Variants in ASPH observed in about 807,000 individuals in gnomAD.
The protein encoded by ASPH is aspartyl/asparaginyl beta-hydroxylase.
A neutral mutation model predicts 118.4 loss-of-function variants in ASPH; 100 were observed. The observed-to-expected ratio is 0.84, with a 90% CI of 0.72 to 1.00. The LOEUF (loss-of-function observed/expected upper bound fraction) is 1.00. Among genes scored for constraint, ASPH ranks in the 50% least tolerant of loss-of-function variants. ASPH has a pLI of 0.00. For missense variants in ASPH, 920 were observed against 919.5 expected (o/e 1.00, Z -0.01); for synonymous variants, 315 against 325.6 (o/e 0.97, Z 0.35).
At chr8:61,599,703 C>A (rs1290334584) in intron 14 of ASPH, among the ~76,000 whole-genome samples, 1 of 151,850 alleles carries the variant, frequency 6.6e-6, no homozygotes, top group East Asian at 1.9e-4. Flanking sequence ...CACATACAAC[C>A]ACCAAGATTG....
chr8:61,634,213 T>C (rs1383708677), intron 12 of ASPH, among the ~76,000 whole-genome samples: 6 of 152,218 alleles, frequency 3.9e-5, no homozygotes. Context: ...CCTTGGTTGC[T>C]TCAACCCAGT....
Position 61,553,208 on chromosome 8 carries a change from G to A in ASPH, c.1537-88C>T, listed in dbSNP as rs140521007. ...TACATAGCTTTTCTTATGGCACATC[G>A]TATGAAAACCTAAAAACCAGAAAAA... On this transcript the variant is annotated intron_variant, in intron 19 of 24. Transcript: ENST00000379454. The A allele has an allele frequency of 2.1e-4, 221 of 1,046,904 alleles. No individual in the cohort carries two copies. The East Asian group carries it at 4.5e-3, about 21-fold the overall frequency. 64.9% of individuals were successfully genotyped at this position (1,046,904 alleles called of 1,614,324 possible).
At chr8:61,634,220 C>T (rs1856815033) in intron 12 of ASPH, among the ~76,000 whole-genome samples, 1 of 152,086 alleles carries the variant, frequency 6.6e-6, no homozygotes, top group Admixed American at 6.6e-5. Context: ...TGCTTCAACC[C>T]AGTTACAATT....
chr8:61,704,119 C>T (rs1386002262), intron 1 of ASPH, among the ~76,000 whole-genome samples: 6 of 132,950 alleles, frequency 4.5e-5, no homozygotes, highest in African/African-American at 1.1e-4. Context: ...GGCGTGAACC[C>T]GGGAGGCGGA....
intron 17 of ASPH, among the ~76,000 whole-genome samples, chr8:61,563,626 C>T (rs1830696081): frequency 6.6e-6 from 1 of 152,196 alleles, no homozygotes; most frequent in African/African-American, 2.4e-5. Flanking sequence ...CTGTATATTC[C>T]ACTGCCAAAC....
Position 61,598,257 on chromosome 8 carries a change from T to C in ASPH, c.977-14228A>G, listed in dbSNP as rs145817502. The stretch of plus-strand genomic sequence containing the variant: ...AAACTCATTTCACCTGAAACACATA[T>C]AAACTAAAAGCAAAAAGACAGAAAA... On this transcript the variant is annotated intron_variant, in intron 14 of 24. Coordinates refer to ENST00000379454, the MANE Select transcript of ASPH (RefSeq NM_004318.4). Among the ~76,000 whole-genome samples the C allele has an allele frequency of 1.6e-4, 24 of 151,950 alleles. No individual in the cohort carries two copies. In the East Asian group the frequency reaches 4.4e-3, roughly 28 times the overall value.
At chr8:61,675,873 T>C in intron 3 of ASPH, 2 of 1,380,472 alleles carry the variant, frequency 1.4e-6, no homozygotes, top group Non-Finnish European at 1.9e-6. Flanking sequence ...AGGAGTACCA[T>C]TTTCTTCAAT....
chr8:61,611,802 T>A (rs1847453324), intron 14 of ASPH, among the ~76,000 whole-genome samples: 1 of 152,254 alleles, frequency 6.6e-6, no homozygotes, highest in South Asian at 2.1e-4. Context: ...AACACAGCAA[T>A]TAAAAGCCAA....
intron 6 of ASPH, among the ~76,000 whole-genome samples, chr8:61,646,278 C>CT (rs1419162184): frequency 6.6e-6 from 1 of 152,182 alleles, no homozygotes; most frequent in African/African-American, 2.4e-5. Context: ...TGAACAGAGT[C>CT]TGTACGATCC....
At chr8:61,507,273 T>G (rs1486478386) in intron 24 of ASPH, among the ~76,000 whole-genome samples, 1 of 152,172 alleles carries the variant, frequency 6.6e-6, no homozygotes, top group Non-Finnish European at 1.5e-5. Context: ...TACAGATCAG[T>G]GTAAACCATT....
intron 15 of ASPH, chr8:61,579,096 G>T (rs1836461156): frequency 1.2e-6 from 2 of 1,607,562 alleles, no homozygotes; most frequent in African/African-American, 1.4e-5. Flanking sequence ...GCAGAGTCTG[G>T]CTGGGAAGCA....
At chr8:61,663,309 T>C (rs1817868768) in intron 3 of ASPH, 3 of 985,254 alleles carry the variant, frequency 3.0e-6, no homozygotes, top group Non-Finnish European at 3.6e-6. Flanking sequence ...AGAATCACCA[T>C]CCTCAACTAC....
At chr8:61,681,931 A>T (rs1475147645) in intron 2 of ASPH, among the ~76,000 whole-genome samples, 3 of 152,042 alleles carry the variant, frequency 2.0e-5, no homozygotes, top group Admixed American at 6.6e-5. Flanking sequence ...GTGGAGAAAC[A>T]TAATAATGTT....
In ASPH at chr8:61,620,987, G is replaced by A. The variant is rs551819014; in HGVS notation, c.935-1968C>T. 2.0e-4 allele frequency among the ~76,000 whole-genome samples: 31 copies of A among 152,282 alleles called. No individual in the cohort carries two copies. The East Asian group carries it at 5.0e-3, about 25-fold the overall frequency. ...ATCCCGATGTGGGAGGGCCCTGGCC[G>A]GGTCTCCTCATGTCCTTTAGACTCA... is the stretch of plus-strand genomic sequence containing the variant. On this transcript the variant is annotated intron_variant, in intron 13 of 24. Transcript: ENST00000379454.
At position 61,503,330 on chromosome 8, in the gene ASPH, A is replaced by AGAGT; in HGVS notation, c.*25_*28dup. ...GGAACCAGAAAGGCAGCCTCTCTCC[A>AGAGT]GAGTTTCCCAAGCTTGCATGAATTC... On this transcript the variant is annotated 3_prime_UTR_variant, in exon 25 of 25. Transcript: ENST00000379454. 1 of 1,585,628 alleles carries AGAGT rather than the reference A, an allele frequency of 6.3e-7. No homozygotes were observed. The highest frequency in any genetic ancestry group is 1.3e-5 in the African/African-American group (1 of 74,436).
At chr8:61,551,171 G>A (rs1043908846) in intron 20 of ASPH, among the ~76,000 whole-genome samples, 2 of 152,132 alleles carry the variant, frequency 1.3e-5, no homozygotes, top group Admixed American at 1.3e-4. Flanking sequence ...CTGAATTGCT[G>A]CAGACCCTCA....
intron 24 of ASPH, among the ~76,000 whole-genome samples, chr8:61,506,964 T>C (rs1563623599): frequency 6.6e-6 from 1 of 152,152 alleles, no homozygotes; most frequent in Non-Finnish European, 1.5e-5. Flanking sequence ...GTTTTTTGGG[T>C]GGCAGAGAAC....
chr8:61,676,528 A>C (rs1250860723), intron 3 of ASPH, among the ~76,000 whole-genome samples: 2 of 152,194 alleles, frequency 1.3e-5, no homozygotes, highest in African/African-American at 2.4e-5. Context: ...AATTTGACCA[A>C]GCCTCACCAC....
intron 3 of ASPH, chr8:61,657,307 A>T (rs979984503): frequency 6.6e-6 from 1 of 152,194 alleles, no homozygotes; most frequent in Non-Finnish European, 1.5e-5. Flanking sequence ...CATTCTGAGG[A>T]ATGTGTGGAA....
Sources: allele counts gnomAD v4.1 joint callset (sites outside exome capture counted in the v4.1 genomes callset), GRCh38; gene constraint gnomAD v4.1.1; transcripts MANE v1.5; gene names NCBI Gene and HGNC (gene_info 2026-07-23, HGNC 2026-07-21).